MED26: variants seen among roughly 807,000 people sequenced by gnomAD.
MED26 encodes the protein mediator of RNA polymerase II transcription subunit 26.
Under a neutral mutation model 43.7 loss-of-function variants are expected in MED26, and 7 were observed. The ratio of observed to expected loss-of-function variants is 0.16; its 90% confidence interval spans 0.09 to 0.30. MED26 has a LOEUF of 0.30. Among genes scored for constraint, MED26 ranks in the 10% least tolerant of loss-of-function variants. MED26 has a pLI of 1.00. For missense variants in MED26, 784 were observed against 840.6 expected (o/e 0.93, Z 0.83); for synonymous variants, 375 against 371.1 (o/e 1.01, Z -0.12).
Position 16,576,819 on chromosome 19 carries a change from G to C in MED26, c.1011C>G (p.Ser337Arg), listed in dbSNP as rs779067100. 6.2e-7 allele frequency: 1 copy of C among 1,609,298 alleles called. No individual in the cohort carries two copies. The highest frequency in any genetic ancestry group is 8.5e-7 in the Non-Finnish European group (1 of 1,178,832). ...CAGGCTGCTCAAGCCAGCACACTGG[G>C]CTTTCCGCACTGGGCAGCAGCTCGA... Reference protein sequence around the residue: ...RRLELLPSAESPVCWLEQPES... With the variant: ...RRLELLPSAERPVCWLEQPES... The change falls in exon 3 of 3, where the codon AGC (serine) becomes AGG (arginine). Residue 337 changes from serine to arginine, a missense_variant. By Grantham distance (110) the Ser-to-Arg change is moderately radical (BLOSUM62 -1). This residue lies in a region of MED26 where 719 missense variants were observed against 730.9 expected (regional missense o/e 0.98). Coordinates refer to ENST00000263390, the MANE Select transcript of MED26 (RefSeq NM_004831.5). This position sits in a 1 kb window ranked among gnomAD's most constrained non-coding sequence, Gnocchi z 6.8.
At chr19:16,617,880 C>T (rs1489997412) in intron 1 of MED26, among the ~76,000 whole-genome samples, 1 of 152,166 alleles carries the variant, frequency 6.6e-6, no homozygotes, top group Non-Finnish European at 1.5e-5. Flanking sequence ...AACTTTCCCT[C>T]ACAGACGAGC....
At chr19:16,626,219 C>G (rs760128791) in intron 1 of MED26, among the ~76,000 whole-genome samples, 2 of 152,188 alleles carry the variant, frequency 1.3e-5, no homozygotes, top group Non-Finnish European at 2.9e-5. Flanking sequence ...GCTAATATCT[C>G]AGCAACCTCT....
In MED26 at chr19:16,576,724, C is replaced by A. The variant is rs780901832; in HGVS notation, c.1106G>T (p.Arg369Leu). ...GLSPAEPLLS[R>L]AGFSPDSSKA... ...GGAGGAGTCTGGGGAAAAGCCTGCCCGGGACAGGAGGGGCTCGGCTGGGGA... is the reference window on the plus strand; with the variant it reads ...GGAGGAGTCTGGGGAAAAGCCTGCCAGGGACAGGAGGGGCTCGGCTGGGGA... Residue 369 changes from arginine (R) to leucine (L), a missense_variant, in exon 3 of 3, where the codon CGG becomes CTG. This residue lies in a region of MED26 where 719 missense variants were observed against 730.9 expected (regional missense o/e 0.98). Transcript: ENST00000263390. The surrounding 1 kb of genome is among the most constrained non-coding windows in gnomAD (Gnocchi z 6.8). The A allele has an allele frequency of 4.3e-6, 7 of 1,611,866 alleles. No homozygotes were observed. In the African/African-American group the frequency reaches 8.0e-5, roughly 18 times the overall value.
At chr19:16,599,992 C>A (rs763793569) in intron 1 of MED26, among the ~76,000 whole-genome samples, 2 of 152,178 alleles carry the variant, frequency 1.3e-5, no homozygotes, top group Non-Finnish European at 2.9e-5. Flanking sequence ...CAAATTCTAC[C>A]CTCTGCCCTC....
intron 1 of MED26, among the ~76,000 whole-genome samples, chr19:16,626,299 CA>C (rs2086274409): frequency 6.6e-6 from 1 of 152,186 alleles, no homozygotes; most frequent in African/African-American, 2.4e-5. Flanking sequence ...AAAAGATGCA[CA>C]AGTCACCAAG....
In MED26 at chr19:16,576,100, G is replaced by T. The variant is rs375571354; in HGVS notation, c.1730C>A (p.Thr577Lys). 1 of 1,613,846 alleles carries T rather than the reference G, an allele frequency of 6.2e-7. No individual in the cohort carries two copies. The highest frequency in any genetic ancestry group is 8.5e-7 in the Non-Finnish European group (1 of 1,180,044). Residue 577 changes from threonine (T) to lysine (K), a missense_variant, in exon 3 of 3, where the codon ACG (threonine) becomes AAG (lysine). Thr to Lys is a moderately conservative substitution (Grantham distance 78). Transcript: ENST00000263390. The surrounding 1 kb of genome is among the most constrained non-coding windows in gnomAD (Gnocchi z 6.8). ...QDTQGNWYDWTQCISLDPHGD... is the reference protein window; with the variant it reads ...QDTQGNWYDWKQCISLDPHGD... ...GTGCGGATCGAGCGATATGCACTGCGTCCAGTCATACCAGTTACCCTGTGT... is the reference window on the plus strand; with the variant it reads ...GTGCGGATCGAGCGATATGCACTGCTTCCAGTCATACCAGTTACCCTGTGT...
chr19:16,586,237 A>G lies in MED26; in HGVS notation c.73-7828T>C, dbSNP rs1400629295. Among the ~76,000 whole-genome samples, 3 of 152,242 alleles carry G rather than the reference A, an allele frequency of 2.0e-5. No individual in the cohort carries two copies. Among genetic ancestry groups the G allele is most frequent in the African/African-American group, 7.2e-5 (3 of 41,458 alleles). On this transcript the variant is annotated intron_variant, in intron 1 of 2. Coordinates refer to ENST00000263390, the MANE Select transcript of MED26 (RefSeq NM_004831.5). This position sits in a 1 kb window ranked among gnomAD's most constrained non-coding sequence, Gnocchi z 5.1. ...TCACTGGTGGGTTGCCCTTGTGCCA[A>G]GTTCTTTCACGTCATCCTCACAAGC...
At chr19:16,595,077 C>G (rs984352550) in intron 1 of MED26, among the ~76,000 whole-genome samples, 2 of 152,212 alleles carry the variant, frequency 1.3e-5, no homozygotes, top group South Asian at 4.1e-4. Flanking sequence ...ACCCCAGATC[C>G]TTCCTCCCTC....
At position 16,577,426 on chromosome 19, in the gene MED26, C is replaced by A; in HGVS notation, c.404G>T (p.Arg135Met). Residue 135 changes from arginine to methionine, a missense_variant, in exon 3 of 3, where the codon AGG becomes ATG. Transcript: ENST00000263390. This position sits in a 1 kb window ranked among gnomAD's most constrained non-coding sequence, Gnocchi z 8.1. ...HDLKSRNDLQRLPGQRLDRLG... is the reference protein window; with the variant it reads ...HDLKSRNDLQMLPGQRLDRLG... ...CCTGTCCAGCCGCTGCCCGGGCAGCCTCTGGAGGTCATTGCGGCTCTTCAG... is the reference window on the plus strand; with the variant it reads ...CCTGTCCAGCCGCTGCCCGGGCAGCATCTGGAGGTCATTGCGGCTCTTCAG... The A allele has an allele frequency of 4.4e-6, 7 of 1,598,514 alleles. No homozygotes were observed. The highest frequency in any genetic ancestry group is 6.0e-6 in the Non-Finnish European group (7 of 1,170,358).
chr19:16,625,790 C>T (rs1457364561), intron 1 of MED26, among the ~76,000 whole-genome samples: 1 of 152,148 alleles, frequency 6.6e-6, no homozygotes, highest in Non-Finnish European at 1.5e-5. Context: ...GGTGTTTGCT[C>T]AAAGCAAACG....
chr19:16,612,409 C>T (rs185080079), intron 1 of MED26, among the ~76,000 whole-genome samples: 10 of 152,232 alleles, frequency 6.6e-5, no homozygotes, highest in Admixed American at 2.0e-4. Flanking sequence ...CTCAGCCTCC[C>T]GAGTAGCTGG....
chr19:16,575,203 T>C lies in MED26; in HGVS notation c.*824A>G, dbSNP rs573118350. On this transcript the variant is annotated 3_prime_UTR_variant, in exon 3 of 3. Transcript: ENST00000263390. ...CACCCACAATAACTTTTGTGTTGTT[T>C]TGGGGGGACTCTAGAAAGGTGAAGT... 2 of 152,612 alleles carry C rather than the reference T, an allele frequency of 1.3e-5. No homozygotes were observed. Among genetic ancestry groups the C allele is most frequent in the African/African-American group, 2.4e-5 (1 of 41,510 alleles). 9.5% of individuals were successfully genotyped at this position (152,612 alleles called of 1,614,324 possible).
Position 16,576,759 on chromosome 19 carries a change from C to G in MED26, c.1071G>C (p.Lys357Asn), listed in dbSNP as rs772567220. ...SHQRLAGPGC[K>N]AGLSPAEPLL... is the part of the protein sequence containing the mutation. ...GGGGCTCGGCTGGGGACAGCCCTGC[C>G]TTGCAGCCCGGCCCCGCCAGCCGCT... Residue 357 changes from lysine to asparagine, a missense_variant, in exon 3 of 3, where the codon AAG becomes AAC. By Grantham distance (94) the Lys-to-Asn change is moderately conservative. Transcript: ENST00000263390. The surrounding 1 kb of genome is among the most constrained non-coding windows in gnomAD (Gnocchi z 6.8). 115 of 1,607,428 alleles carry G rather than the reference C, an allele frequency of 7.2e-5. 1 individual carries two copies. The East Asian group carries it at 2.6e-3, about 36-fold the overall frequency.
chr19:16,601,823 T>G (rs1260355111), intron 1 of MED26, among the ~76,000 whole-genome samples: 1 of 152,130 alleles, frequency 6.6e-6, no homozygotes, highest in Non-Finnish European at 1.5e-5. Context: ...GCTCAGGGAG[T>G]GACAGGGTCA....
chr19:16,624,237 C>T (rs1367283137), intron 1 of MED26: 2 of 152,176 alleles, frequency 1.3e-5, no homozygotes, highest in Non-Finnish European at 2.9e-5. Context: ...ACCCTGTGGA[C>T]AAGAAATCTG....
intron 1 of MED26, among the ~76,000 whole-genome samples, chr19:16,585,472 A>G (rs534977703): frequency 2.6e-4 from 40 of 152,236 alleles, no homozygotes; most frequent in African/African-American, 8.7e-4. Flanking sequence ...GGGGAGAAAC[A>G]TAACAATGAG....
intron 1 of MED26, among the ~76,000 whole-genome samples, chr19:16,617,307 C>G (rs1431202293): frequency 6.6e-6 from 1 of 152,186 alleles, no homozygotes; most frequent in East Asian, 1.9e-4. Context: ...GCTGCAGCAG[C>G]CTGGGGGCAC....
chr19:16,576,381 G>C lies in MED26; in HGVS notation c.1449C>G (p.Asn483Lys). The change falls in exon 3 of 3, where the codon AAC (asparagine) becomes AAG (lysine). Residue 483 changes from asparagine to lysine, a missense_variant. Around this residue, in one of 3 missense-constraint regions of MED26, gnomAD observed 719 missense variants for 730.9 expected, o/e 0.98. Transcript: ENST00000263390. The surrounding 1 kb of genome is among the most constrained non-coding windows in gnomAD (Gnocchi z 6.8). ...EQTNWKELSR[N>K]EIIQSYLSRQ... ...GGCTCAGGTAGGACTGGATGATCTC[G>C]TTGCGTGACAGCTCCTTCCAGTTCG... 1.2e-6 allele frequency: 2 copies of C among 1,614,108 alleles called. No homozygotes were observed. Among genetic ancestry groups the C allele is most frequent in the East Asian group, 2.2e-5 (1 of 44,866 alleles).
chr19:16,626,563 C>A (rs940177575), intron 1 of MED26, among the ~76,000 whole-genome samples: 8 of 151,864 alleles, frequency 5.3e-5, no homozygotes, highest in African/African-American at 1.9e-4. Flanking sequence ...TTCGAAAAAA[C>A]TCATAACCCT....
Sources: gnomAD v4.1 joint callset for allele counts (sites outside exome capture counted in the v4.1 genomes callset) on GRCh38, gnomAD v4.1.1 for gene constraint, gnomAD v4.1.1 regional missense constraint, Gnocchi (gnomAD v3.1) non-coding constraint, MANE v1.5 for transcripts, NCBI Gene and HGNC (gene_info 2026-07-23, HGNC 2026-07-21) for gene names.